HEPHL1: variants seen among roughly 807,000 people sequenced by gnomAD.
HEPHL1 encodes hephaestin like 1, also known as ferroxidase HEPHL1.
Under a neutral mutation model 122.0 loss-of-function variants are expected in HEPHL1, and 123 were observed. The observed-to-expected ratio is 1.01, with a 90% CI of 0.87 to 1.17. The LOEUF (loss-of-function observed/expected upper bound fraction) is 1.17, where lower values mean the gene tolerates loss of function less well. Ranked by LOEUF, HEPHL1 falls within the 50% of genes most tolerant of loss-of-function variation. The pLI, the probability that HEPHL1 is intolerant of heterozygous loss-of-function variation, is 0.00. For missense variants in HEPHL1, 1,452 were observed against 1,430.5 expected, an observed-to-expected ratio of 1.01 and a Z score of -0.24; for synonymous variants, 527 against 508.9, an observed-to-expected ratio of 1.04 and a Z score of -0.48.
intron 3 of HEPHL1, 142 bp from the exon 4 acceptor site, chr11:94,064,189 C>G: frequency 1.7e-6 from 1 of 580,402 alleles, no homozygotes; most frequent in Non-Finnish European, 3.0e-6. Context: ...TCCATTAAAG[C>G]CTTTTGCTGA....
At chr11:94,056,752 T>G (rs984058692) in intron 2 of HEPHL1, among the ~76,000 whole-genome samples, 2 of 152,102 alleles carry the variant, frequency 1.3e-5, no homozygotes, top group Non-Finnish European at 2.9e-5. Flanking sequence ...TGTTATATAC[T>G]TGGTGCTTTA....
chr11:94,060,020 C>T (rs1945971494), intron 2 of HEPHL1, among the ~76,000 whole-genome samples: 1 of 150,702 alleles, frequency 6.6e-6, no homozygotes, highest in African/African-American at 2.5e-5. Flanking sequence ...AAAGAATCTT[C>T]CAAGCCATGC....
rs751627991 is a variant in HEPHL1 at position 94,102,929 on chromosome 11, A to G, written c.2591A>G (p.Tyr864Cys). ...PMTKPGEVKT[Y>C]RWNIPKRSGP... is the part of the protein sequence containing the mutation. ...TTTATTACAGGAGAAGTAAAAACTT[A>G]TAGATGGAATATCCCTAAAAGATCC... Residue 864 changes from tyrosine (Y) to cysteine (C), a missense_variant, in exon 15 of 20, where the codon TAT becomes TGT. Transcript: ENST00000315765. 2 of 1,583,924 alleles carry G rather than the reference A, an allele frequency of 1.3e-6. No individual in the cohort carries two copies. Among genetic ancestry groups the G allele is most frequent in the Non-Finnish European group, 1.7e-6 (2 of 1,153,124 alleles).
At chr11:94,059,220 T>C (rs1344563627) in intron 2 of HEPHL1, among the ~76,000 whole-genome samples, 1 of 152,224 alleles carries the variant, frequency 6.6e-6, no homozygotes, top group African/African-American at 2.4e-5. Context: ...TTTTCTCATA[T>C]TAGTACATAT....
intron 2 of HEPHL1, among the ~76,000 whole-genome samples, chr11:94,061,092 T>C (rs932633327): frequency 3.9e-5 from 6 of 152,174 alleles, no homozygotes; most frequent in African/African-American, 1.4e-4. Context: ...CCTTTGTTTC[T>C]GGCTTGTGGC....
intron 11 of HEPHL1, among the ~76,000 whole-genome samples, chr11:94,086,930 A>G (rs1417590107): frequency 2.0e-5 from 3 of 152,242 alleles, no homozygotes; most frequent in Non-Finnish European, 4.4e-5. Flanking sequence ...AGTCTTAACA[A>G]GAAACCAATA....
rs201948436 is a variant in HEPHL1 at position 94,043,706 on chromosome 11, A to AT, written c.171-1957dup. The stretch of plus-strand genomic sequence containing the variant: ...AATGTCTTCTACATCAACTTTTTCT[A>AT]TTTTTTTTTTCTTGAGTAACTCTTC... On this transcript the variant is annotated intron_variant, in intron 1 of 19. Transcript: ENST00000315765. 6.2e-3 allele frequency among the ~76,000 whole-genome samples: 936 copies of AT among 149,860 alleles called. 13 individuals are homozygous for AT. The highest frequency in any genetic ancestry group is 0.022 in the African/African-American group (894 of 40,568).
At chr11:94,031,676 G>T (rs1412206972) in intron 1 of HEPHL1, among the ~76,000 whole-genome samples, 1 of 152,200 alleles carries the variant, frequency 6.6e-6, no homozygotes, top group African/African-American at 2.4e-5. Context: ...GTCTTGTCCT[G>T]TGATTCCTGG....
chr11:94,063,454 A>G, intron 2 of HEPHL1, 54 bp from the exon 3 acceptor site: 1 of 1,368,302 alleles, frequency 7.3e-7, no homozygotes, highest in Non-Finnish European at 1.0e-6. Flanking sequence ...ATAGCATGTG[A>G]TCTCTCTGTT....
At chr11:94,111,498 T>C (rs370975794) in intron 18 of HEPHL1, 39 bp from the exon 19 acceptor site, 51 of 1,475,308 alleles carry the variant, frequency 3.5e-5, no homozygotes, top group Non-Finnish European at 3.9e-5. Flanking sequence ...AATCCCCTTC[T>C]GTTGTTAATA....
In HEPHL1 at chr11:94,086,184, A is replaced by G. The variant is rs766926284; in HGVS notation, c.2075A>G (p.His692Arg). Reference sequence around the variant, plus strand: ...ACAACAGCATTCATGCAGCCAGACCATGCAGGTAAACTTGCTGGGTCCATC... The same window carrying G: ...ACAACAGCATTCATGCAGCCAGACCGTGCAGGTAAACTTGCTGGGTCCATC... ...MATTAFMQPD[H>R]AGIFRVFCAT... Residue 692 changes from histidine to arginine, a missense_variant, in exon 11 of 20, where the codon CAT (histidine) becomes CGT (arginine). His to Arg is a conservative substitution (Grantham distance 29). Transcript: ENST00000315765. 12 of 1,608,372 alleles carry G rather than the reference A, an allele frequency of 7.5e-6. No homozygotes were observed. In the East Asian group the frequency reaches 2.0e-4, roughly 27 times the overall value.
At chr11:94,068,046 T>C (rs1176214346) in intron 5 of HEPHL1, among the ~76,000 whole-genome samples, 1 of 152,202 alleles carries the variant, frequency 6.6e-6, no homozygotes, top group East Asian at 1.9e-4. Flanking sequence ...GAATACGATT[T>C]AAGGCAGAAT....
Position 94,076,733 on chromosome 11 carries a change from GC to G in HEPHL1, c.1716+1351del, listed in dbSNP as rs1249967175. The stretch of plus-strand genomic sequence containing the variant: ...TTATGAAATACCTGCTATGTGCCAG[GC>G]CCTCTATAAGCAAAATGGTCAGTCT... On this transcript the variant is annotated intron_variant, in intron 9 of 19. Coordinates refer to ENST00000315765, the MANE Select transcript of HEPHL1 (RefSeq NM_001098672.2). 5.3e-5 allele frequency among the ~76,000 whole-genome samples: 8 copies of G among 152,270 alleles called. No homozygotes were observed. The East Asian group carries it at 1.5e-3, about 29-fold the overall frequency.
At chr11:94,090,004 A>C (rs1946252744) in intron 12 of HEPHL1, among the ~76,000 whole-genome samples, 1 of 151,820 alleles carries the variant, frequency 6.6e-6, no homozygotes, top group Non-Finnish European at 1.5e-5. Context: ...ACGACATGCT[A>C]CTGTTCCTAT....
intron 13 of HEPHL1, 131 bp downstream of exon 13, chr11:94,093,771 T>G (rs1946281766): frequency 9.9e-7 from 1 of 1,009,896 alleles, no homozygotes; most frequent in African/African-American, 1.6e-5. Context: ...TTCCTCCAAG[T>G]GTAATATCTT....
intron 2 of HEPHL1, among the ~76,000 whole-genome samples, chr11:94,058,396 TA>T (rs772607544): frequency 3.3e-5 from 5 of 152,168 alleles, no homozygotes; most frequent in Non-Finnish European, 7.4e-5. Flanking sequence ...GCTGTAAGCT[TA>T]AAAGTCTTGA....
At chr11:94,075,045 G>A in intron 8 of HEPHL1, 129 bp from the exon 9 acceptor site, 1 of 716,712 alleles carries the variant, frequency 1.4e-6, no homozygotes, top group Non-Finnish European at 2.4e-6. Flanking sequence ...GGATACATAA[G>A]AGAAAACCAC....
chr11:94,106,528 C>T (rs775637321), intron 17 of HEPHL1, among the ~76,000 whole-genome samples: 11 of 152,134 alleles, frequency 7.2e-5, no homozygotes, highest in Admixed American at 1.3e-4. Context: ...ATCTCCTGAC[C>T]TCGTGATCTG....
intron 2 of HEPHL1, among the ~76,000 whole-genome samples, chr11:94,056,521 T>C (rs1945937217): frequency 6.6e-6 from 1 of 152,150 alleles, no homozygotes; most frequent in Non-Finnish European, 1.5e-5. Context: ...TATCATTGAG[T>C]TATTTTCTTA....
Sources: allele counts gnomAD v4.1 joint callset (sites outside exome capture counted in the v4.1 genomes callset), GRCh38; gene constraint gnomAD v4.1.1; transcripts MANE v1.5; gene names NCBI Gene and HGNC (gene_info 2026-07-23, HGNC 2026-07-21).